Variants in NANOG observed in about 807,000 individuals in gnomAD.
The protein encoded by NANOG is Nanog homeobox.
Under a neutral mutation model 17.7 loss-of-function variants are expected in NANOG, and 2 were observed. The observed-to-expected ratio is 0.11, with a 90% confidence interval of 0.05 to 0.36. The LOEUF (loss-of-function observed/expected upper bound fraction) is 0.36, where lower values mean the gene tolerates loss of function less well. NANOG is among the 10% of genes least tolerant of loss of function. The pLI is 1.00. For missense variants in NANOG, 174 were observed against 362.1 expected (o/e 0.48, Z 4.22); for synonymous variants, 81 against 124.7 (o/e 0.65, Z 2.33).
intron 1 of NANOG, among the ~76,000 whole-genome samples, chr12:7,790,095 C>T (rs961438243): frequency 1.5e-5 from 2 of 130,608 alleles, no homozygotes; most frequent in Non-Finnish European, 3.2e-5. Flanking sequence ...GTGATGTGTA[C>T]ATCTTCACAT....
chr12:7,790,518 G>A (rs1371975938), intron 1 of NANOG, among the ~76,000 whole-genome samples: 3 of 152,122 alleles, frequency 2.0e-5, no homozygotes, highest in Admixed American at 6.6e-5. Context: ...GGGGATACTC[G>A]GGATACTCAT....
rs1452163200 is a variant in NANOG, at chr12:7,797,004, C to G, written c.*1909C>G. 2.0e-5 allele frequency: 3 copies of G among 152,090 alleles called. No homozygotes were observed. The highest frequency in any genetic ancestry group is 4.4e-5 in the Non-Finnish European group (3 of 68,098). 9.4% of individuals were successfully genotyped at this position (152,090 alleles called of 1,614,324 possible). Reference sequence around the variant, plus strand: ...CTTGAACTCCTGACCTCATGATCCACCAGCCTTGGCCTCCCAAAGTGTTGG... The same window carrying G: ...CTTGAACTCCTGACCTCATGATCCAGCAGCCTTGGCCTCCCAAAGTGTTGG... On this transcript the variant is annotated 3_prime_UTR_variant, in exon 4 of 4. Transcript: ENST00000229307.
At chr12:7,790,971 C>T (rs1039796532) in intron 1 of NANOG, among the ~76,000 whole-genome samples, 5 of 152,166 alleles carry the variant, frequency 3.3e-5, no homozygotes, top group African/African-American at 1.2e-4. Context: ...TCTTGAACTC[C>T]TGACCTCAAG....
chr12:7,796,485 ATATG>A lies in NANOG; in HGVS notation c.*1393_*1396del, dbSNP rs1198154050. The A allele has an allele frequency of 1.3e-5, 2 of 152,328 alleles. No individual in the cohort carries two copies. Among genetic ancestry groups the A allele is most frequent in the African/African-American group, 4.8e-5 (2 of 41,578 alleles). 9.4% of individuals were successfully genotyped at this position (152,328 alleles called of 1,614,324 possible). ...ACATTTAAAGTTTCATCAGAGGCCT[ATATG>A]TAAGTAAATTCTAAGGCTAGTTGAA... On this transcript the variant is annotated 3_prime_UTR_variant, in exon 4 of 4. Transcript: ENST00000229307.
intron 1 of NANOG, among the ~76,000 whole-genome samples, chr12:7,792,054 C>T (rs1260506037): frequency 6.6e-6 from 1 of 152,174 alleles, no homozygotes; most frequent in Non-Finnish European, 1.5e-5. Context: ...GCCACCACTC[C>T]TGGCTAATTT....
rs1414927275 is a variant in NANOG at position 7,793,046 on chromosome 12, G to A, written c.248G>A (p.Ser83Asn). 1 of 1,609,358 alleles carries A rather than the reference G, an allele frequency of 6.2e-7. No homozygotes were observed. Among genetic ancestry groups the A allele is most frequent in the South Asian group, 1.1e-5 (1 of 90,936 alleles). Reference sequence around the variant, plus strand: ...AAACAACCCACTTCTGCAGAGAAGAGTGTCGCAAAAAAGGAAGACAAGGTC... The same window carrying A: ...AAACAACCCACTTCTGCAGAGAAGAATGTCGCAAAAAAGGAAGACAAGGTC... ...KGKQPTSAEKSVAKKEDKVPV... is the reference protein window; with the variant it reads ...KGKQPTSAEKNVAKKEDKVPV... The change falls in exon 2 of 4, where the codon AGT becomes AAT. Residue 83 changes from serine to asparagine, a missense_variant. Around this residue, in one of 2 missense-constraint regions of NANOG, gnomAD observed 158 missense variants for 244.2 expected, o/e 0.65. Coordinates refer to ENST00000229307, the MANE Select transcript of NANOG (RefSeq NM_024865.4).
chr12:7,791,929 C>G (rs7979612), intron 1 of NANOG, among the ~76,000 whole-genome samples: 28,060 of 152,090 alleles, frequency 0.18, 2,759 homozygotes, highest in East Asian at 0.33. Context: ...GACAGTCTCA[C>G]TCTGTCACCC....
In NANOG at chr12:7,792,967, T is replaced by C. The variant is rs781160817; in HGVS notation, c.169T>C (p.Ser57Pro). The change falls in exon 2 of 4, where the codon TCC becomes CCC. Residue 57 changes from serine to proline, a missense_variant. Ser to Pro is a moderately conservative substitution (Grantham distance 74). This residue lies in a region of NANOG where 158 missense variants were observed against 244.2 expected (regional missense o/e 0.65). Transcript: ENST00000229307. ...CCCAACAGTCTCTCCTCTTCCTTCC[T>C]CCATGGATCTGCTTATTCAGGACAG... ...HTETVSPLPSSMDLLIQDSPD... is the reference protein window; with the variant it reads ...HTETVSPLPSPMDLLIQDSPD... 2.5e-6 allele frequency: 4 copies of C among 1,606,070 alleles called. No homozygotes were observed. Among genetic ancestry groups the C allele is most frequent in the Middle Eastern group, 2.2e-4 (1 of 4,520 alleles).
chr12:7,797,968 G>A lies in NANOG; in HGVS notation c.*2873G>A, dbSNP rs1012577881. 2 of 150,946 alleles carry A rather than the reference G, an allele frequency of 1.3e-5. No homozygotes were observed. The highest frequency in any genetic ancestry group is 4.2e-4 in the South Asian group (2 of 4,796). The allele number at this position is 150,946 out of a possible 1,614,324, so 9.4% of individuals were successfully genotyped here. Reference sequence around the variant, plus strand: ...AGCCTAGCCCTGTATTATGTTTTCTGAACTTTTTTTTTTTTAATCACCCAG... The same window carrying A: ...AGCCTAGCCCTGTATTATGTTTTCTAAACTTTTTTTTTTTTAATCACCCAG... On this transcript the variant is annotated 3_prime_UTR_variant, in exon 4 of 4. Coordinates refer to ENST00000229307, the MANE Select transcript of NANOG (RefSeq NM_024865.4).
In NANOG at chr12:7,794,492, T is replaced by C. The variant is rs1258678831; in HGVS notation, c.450T>C (p.Ser150=). The change falls in exon 3 of 4, where the codon TCT becomes TCC. Residue 150 remains serine, a synonymous_variant. Transcript: ENST00000229307. ...GGTTCCAGAACCAGAGAATGAAATC[T>C]AAGAGGTGGCAGAAAAACAACTGGC... ...KTWFQNQRMK[S]KRWQKNNWPK... 1 of 1,613,498 alleles carries C rather than the reference T, an allele frequency of 6.2e-7. No homozygotes were observed. The highest frequency in any genetic ancestry group is 1.7e-5 in the Admixed American group (1 of 59,906).
Position 7,789,411 on chromosome 12 carries a change from G to A in NANOG, c.-204G>A. On this transcript the variant is annotated 5_prime_UTR_variant, in exon 1 of 4. Coordinates refer to ENST00000229307, the MANE Select transcript of NANOG (RefSeq NM_024865.4). ...TGATAGAGCCTTCATTATAAATCTA[G>A]AGACTCCAGGATTTTAACGTTCTGC... 3.4e-6 allele frequency: 2 copies of A among 584,366 alleles called. No individual in the cohort carries two copies. The highest frequency in any genetic ancestry group is 3.0e-6 in the Non-Finnish European group (1 of 329,824). 36.2% of individuals were successfully genotyped at this position (584,366 alleles called of 1,614,324 possible).
At position 7,799,111 on chromosome 12, in the gene NANOG, CTG is replaced by C. The variant is rs956853055; in HGVS notation, c.*4019_*4020del. ...GGCTTCTGGGTAGTTGGTGTAAACTCTGTGGTCCTTGAATAAAGTGTGCTTGA... is the reference window on the plus strand; with the variant it reads ...GGCTTCTGGGTAGTTGGTGTAAACTCTGGTCCTTGAATAAAGTGTGCTTGA... On this transcript the variant is annotated 3_prime_UTR_variant, in exon 4 of 4. Transcript: ENST00000229307. The C allele has an allele frequency of 1.3e-5, 2 of 152,066 alleles. No homozygotes were observed. The highest frequency in any genetic ancestry group is 4.8e-5 in the African/African-American group (2 of 41,372). The allele number at this position is 152,066 out of a possible 1,614,324, so 9.4% of individuals were successfully genotyped here. A position where few individuals can be genotyped will look rare whatever the true frequency, so the allele number is the denominator to read the frequency against.
At chr12:7,792,520 C>T (rs1415053197) in intron 1 of NANOG, among the ~76,000 whole-genome samples, 4 of 152,080 alleles carry the variant, frequency 2.6e-5, no homozygotes. Context: ...CAAAATTAGC[C>T]AGGCGTGATG....
chr12:7,798,626 T>C lies in NANOG; in HGVS notation c.*3531T>C, dbSNP rs1442926996. 6.6e-6 allele frequency: 1 copy of C among 151,042 alleles called. No homozygotes were observed. 9.4% of individuals were successfully genotyped at this position (151,042 alleles called of 1,614,324 possible). A position where few individuals can be genotyped will look rare whatever the true frequency, so the allele number is the denominator to read the frequency against. On this transcript the variant is annotated 3_prime_UTR_variant, in exon 4 of 4. Transcript: ENST00000229307. ...ATTGAATTTGCCTGGGTTTTCCGAA[T>C]TTCATAATATAAATTTAAAACTCAG...
chr12:7,793,069 G>A lies in NANOG; in HGVS notation c.271G>A (p.Val91Ile). ...GAGTGTCGCAAAAAAGGAAGACAAG[G>A]TCCCGGTCAAGAAACAGAAGACCAG... ...EKSVAKKEDK[V>I]PVKKQKTRTV... The change falls in exon 2 of 4, where the codon GTC (valine) becomes ATC (isoleucine). Residue 91 changes from valine to isoleucine, a missense_variant. Physicochemically the swap from Val to Ile is conservative, Grantham distance 29 (BLOSUM62 3). Coordinates refer to ENST00000229307, the MANE Select transcript of NANOG (RefSeq NM_024865.4). 6.2e-7 allele frequency: 1 copy of A among 1,610,202 alleles called. No homozygotes were observed. The highest frequency in any genetic ancestry group is 8.5e-7 in the Non-Finnish European group (1 of 1,176,610).
At chr12:7,789,873 TAA>T (rs199672088) in intron 1 of NANOG, 108 bp downstream of exon 1, 29 of 1,186,996 alleles carry the variant, frequency 2.4e-5, no homozygotes, top group South Asian at 1.4e-4. Flanking sequence ...ACCATTACTA[TAA>T]AGAAGTGTTA....
chr12:7,790,470 C>T (rs981157539), intron 1 of NANOG, among the ~76,000 whole-genome samples: 3 of 152,114 alleles, frequency 2.0e-5, no homozygotes, highest in African/African-American at 7.2e-5. Context: ...AAAACCTGTG[C>T]TAGTACTCAT....
rs745333587 is a variant in NANOG, at chr12:7,789,402, A to T, written c.-213A>T. The T allele has an allele frequency of 8.7e-6, 5 of 573,954 alleles. No individual in the cohort carries two copies. The South Asian group carries it at 1.1e-4, about 12-fold the overall frequency. 35.6% of individuals were successfully genotyped at this position (573,954 alleles called of 1,614,324 possible). On this transcript the variant is annotated 5_prime_UTR_variant, in exon 1 of 4. Coordinates refer to ENST00000229307, the MANE Select transcript of NANOG (RefSeq NM_024865.4). ...GGTCTAAGGTGATAGAGCCTTCATT[A>T]TAAATCTAGAGACTCCAGGATTTTA...
At position 7,798,105 on chromosome 12, in the gene NANOG, C is replaced by G. The variant is rs1038952805; in HGVS notation, c.*3010C>G. ...GCAGTAAGATTAGTGGGCCAGGTGC[C>G]GTGGCTCACACCTGTAATCCCAGCA... On this transcript the variant is annotated 3_prime_UTR_variant, in exon 4 of 4. Coordinates refer to ENST00000229307, the MANE Select transcript of NANOG (RefSeq NM_024865.4). 1 of 152,046 alleles carries G rather than the reference C, an allele frequency of 6.6e-6. No individual in the cohort carries two copies. The highest frequency in any genetic ancestry group is 2.4e-5 in the African/African-American group (1 of 41,392). The allele number at this position is 152,046 out of a possible 1,614,324, so 9.4% of individuals were successfully genotyped here.
Sources: gnomAD v4.1 joint callset for allele counts (sites outside exome capture counted in the v4.1 genomes callset) on GRCh38, gnomAD v4.1.1 for gene constraint, gnomAD v4.1.1 regional missense constraint, MANE v1.5 for transcripts, NCBI Gene and HGNC (gene_info 2026-07-23, HGNC 2026-07-21) for gene names.